The following SBF2 variants were observed in gnomAD, a reference collection of about 807,000 sequenced individuals.
The protein encoded by SBF2 is myotubularin-related protein 13.
Under a neutral mutation model 225.2 loss-of-function variants are expected in SBF2, and 112 were observed. That is an observed-to-expected ratio of 0.50 (90% confidence interval 0.43 to 0.58). The LOEUF (loss-of-function observed/expected upper bound fraction) is 0.58, where lower values mean the gene tolerates loss of function less well. Ranked by LOEUF, SBF2 falls within the 20% of genes least tolerant of loss-of-function variation. The pLI is 0.00. For missense variants in SBF2, 1,996 were observed against 2,206.2 expected, an observed-to-expected ratio of 0.90 and a Z score of 1.91; for synonymous variants, 763 against 773.3, an observed-to-expected ratio of 0.99 and a Z score of 0.22.
At chr11:10,037,807 T>G (rs1054116441) in intron 3 of SBF2, among the ~76,000 whole-genome samples, 4 of 152,014 alleles carry the variant, frequency 2.6e-5, no homozygotes, top group Non-Finnish European at 5.9e-5. Context: ...TGGGTTGTAG[T>G]ACTTCAGCTA....
At chr11:10,119,493 T>C (rs924063299) in intron 2 of SBF2, among the ~76,000 whole-genome samples, 3 of 152,188 alleles carry the variant, frequency 2.0e-5, no homozygotes, top group Non-Finnish European at 4.4e-5. Flanking sequence ...CTTAGGCCAC[T>C]GCAAGGTCAA....
chr11:9,843,634 G>GAT (rs898786784), intron 24 of SBF2, among the ~76,000 whole-genome samples: 1 of 152,134 alleles, frequency 6.6e-6, no homozygotes, highest in Non-Finnish European at 1.5e-5. Flanking sequence ...AGTAAAAAGT[G>GAT]ATAAGGCTTC....
At chr11:10,187,834 T>C (rs1205407486) in intron 2 of SBF2, among the ~76,000 whole-genome samples, 1 of 152,188 alleles carries the variant, frequency 6.6e-6, no homozygotes, top group Non-Finnish European at 1.5e-5. Flanking sequence ...CCTTAACCAA[T>C]TCAGAAAAAA....
intron 2 of SBF2, among the ~76,000 whole-genome samples, chr11:10,095,984 T>A (rs1364648496): frequency 6.6e-6 from 1 of 152,148 alleles, no homozygotes; most frequent in East Asian, 1.9e-4. Context: ...TTTAACTAAG[T>A]GACTATTCAA....
At chr11:10,149,994 C>T (rs1955097576) in intron 2 of SBF2, among the ~76,000 whole-genome samples, 1 of 152,106 alleles carries the variant, frequency 6.6e-6, no homozygotes, top group South Asian at 2.1e-4. Flanking sequence ...ACATTCTACT[C>T]TCGAGAGCTA....
intron 2 of SBF2, among the ~76,000 whole-genome samples, chr11:10,065,548 G>T (rs1159449154): frequency 3.3e-5 from 5 of 152,104 alleles, no homozygotes; most frequent in Non-Finnish European, 7.4e-5. Flanking sequence ...GGAATAAGAT[G>T]ATATCACTAG....
chr11:9,863,752 CTCTT>C (rs1426870851), intron 17 of SBF2, among the ~76,000 whole-genome samples: 37 of 138,784 alleles, frequency 2.7e-4, no homozygotes, highest in South Asian at 4.5e-4. Context: ...CTCCCTCTCT[CTCTT>C]TTTTTTTTTT....
At chr11:10,059,966 A>G (rs1950371793) in intron 2 of SBF2, among the ~76,000 whole-genome samples, 1 of 152,154 alleles carries the variant, frequency 6.6e-6, no homozygotes, top group Non-Finnish European at 1.5e-5. Context: ...TCACAAAGCA[A>G]AAGAATTAGA....
chr11:10,098,364 C>A (rs1322039429), intron 2 of SBF2, among the ~76,000 whole-genome samples: 1 of 151,748 alleles, frequency 6.6e-6, no homozygotes, highest in African/African-American at 2.4e-5. Flanking sequence ...TCCAGAATCC[C>A]CACCTCAGCT....
At chr11:9,867,285 A>G (rs894787690) in intron 17 of SBF2, among the ~76,000 whole-genome samples, 3 of 152,312 alleles carry the variant, frequency 2.0e-5, no homozygotes, top group African/African-American at 7.2e-5. Context: ...ATTACAAATT[A>G]AAAAACACAA....
intron 1 of SBF2, among the ~76,000 whole-genome samples, chr11:10,247,526 CA>C (rs36111945): frequency 0.36 from 40,928 of 112,152 alleles, 6,611 homozygotes; most frequent in Admixed American, 0.5. Context: ...ACTAAAAATA[CA>C]AAAAAAAAAA....
chr11:10,209,642 A>C (rs551887558), intron 1 of SBF2, among the ~76,000 whole-genome samples: 4 of 152,156 alleles, frequency 2.6e-5, no homozygotes, highest in South Asian at 4.2e-4. Flanking sequence ...ACAGCAAATT[A>C]ATCATGACCA....
At chr11:9,942,980 GAAGAAAGA>G (rs61495070) in intron 16 of SBF2, among the ~76,000 whole-genome samples, 5,026 of 147,634 alleles carry the variant, frequency 0.034, 119 homozygotes, top group African/African-American at 0.063. Context: ...AAAGAAAGAG[GAAGAAAGA>G]AAGAAAGAAA....
intron 16 of SBF2, among the ~76,000 whole-genome samples, chr11:9,931,534 G>T (rs886555011): frequency 1.3e-5 from 2 of 152,108 alleles, no homozygotes; most frequent in Non-Finnish European, 2.9e-5. Flanking sequence ...TGCAGCTGAG[G>T]GACCTGACTG....
At chr11:10,000,628 T>C (rs370999311) in intron 8 of SBF2, among the ~76,000 whole-genome samples, 4 of 152,324 alleles carry the variant, frequency 2.6e-5, no homozygotes, top group African/African-American at 9.6e-5. Context: ...AAAGTATAAA[T>C]AGAATTTTAT....
rs796961024 is a variant in SBF2 at position 10,273,689 on chromosome 11, G to C, written c.55+20326C>G. Among the ~76,000 whole-genome samples the C allele has an allele frequency of 1.4e-4, 22 of 152,324 alleles. 1 individual carries two copies. Among genetic ancestry groups the C allele is most frequent in the African/African-American group, 4.6e-4 (19 of 41,562 alleles). ...TCTTGTGCTAAATTATAATGTAGCA[G>C]ACCAGTTAGTGCTGTAGTTTAAGGC... On this transcript the variant is annotated intron_variant, in intron 1 of 39. Transcript: ENST00000256190.
rs1851881569 is a variant in SBF2 at position 9,779,252 on chromosome 11, T to C, written c.*1166A>G. On this transcript the variant is annotated 3_prime_UTR_variant, in exon 40 of 40. Coordinates refer to ENST00000256190, the MANE Select transcript of SBF2 (RefSeq NM_030962.4). ...CTGAAAAACAAGGATATAGAAATCA[T>C]ATATACACATTTTTGAAATATTAGT... 6.5e-6 allele frequency: 1 copy of C among 152,676 alleles called. No homozygotes were observed. Among genetic ancestry groups the C allele is most frequent in the South Asian group, 2.1e-4 (1 of 4,832 alleles). 9.5% of individuals were successfully genotyped at this position (152,676 alleles called of 1,614,324 possible). A position where few individuals can be genotyped will look rare whatever the true frequency, so the allele number is the denominator to read the frequency against.
At chr11:9,994,692 G>C (rs1947611088) in intron 9 of SBF2, among the ~76,000 whole-genome samples, 1 of 151,688 alleles carries the variant, frequency 6.6e-6, no homozygotes, top group African/African-American at 2.4e-5. Flanking sequence ...CTATATAGTT[G>C]AATTTTTAAA....
chr11:9,823,550 T>C (rs2133922326), intron 28 of SBF2, among the ~76,000 whole-genome samples: 1 of 151,308 alleles, frequency 6.6e-6, no homozygotes, highest in Non-Finnish European at 1.5e-5. Context: ...AGGAGGCTCC[T>C]CTCACAGTGG....
Sources: allele counts gnomAD v4.1 joint callset (sites outside exome capture counted in the v4.1 genomes callset), GRCh38; gene constraint gnomAD v4.1.1; transcripts MANE v1.5; gene names NCBI Gene and HGNC (gene_info 2026-07-23, HGNC 2026-07-21).